The following ACIN1 variants were observed in gnomAD, a reference collection of about 807,000 sequenced individuals.
The protein encoded by ACIN1 is apoptotic chromatin condensation inducer in the nucleus.
ACIN1 carries 16 observed loss-of-function variants against 146.6 expected under a neutral mutation model. The observed-to-expected ratio is 0.11, with a 90% CI of 0.07 to 0.17. The LOEUF is 0.17. Among genes scored for constraint, ACIN1 ranks in the 10% least tolerant of loss-of-function variants. The pLI, the probability that ACIN1 is intolerant of heterozygous loss-of-function variation, is 1.00. For missense variants in ACIN1, 1,357 were observed against 1,609.3 expected, an observed-to-expected ratio of 0.84 and a Z score of 2.68; for synonymous variants, 569 against 582.7, an observed-to-expected ratio of 0.98 and a Z score of 0.34.
chr14:23,058,776 C>T lies in ACIN1; in HGVS notation c.*372G>A. 1 of 277,024 alleles carries T rather than the reference C, an allele frequency of 3.6e-6. No individual in the cohort carries two copies. Among genetic ancestry groups the T allele is most frequent in the Non-Finnish European group, 6.9e-6 (1 of 145,080 alleles). The allele number at this position is 277,024 out of a possible 1,614,324, so 17.2% of individuals were successfully genotyped here. Reference sequence around the variant, plus strand: ...TGATTCAGCTCATAGGTGACCCAGTCCTGGCCCCGGCTGTTCCCAAGAGAA... The same window carrying T: ...TGATTCAGCTCATAGGTGACCCAGTTCTGGCCCCGGCTGTTCCCAAGAGAA... On this transcript the variant is annotated 3_prime_UTR_variant, in exon 19 of 19. Coordinates refer to ENST00000605057, the MANE Select transcript of ACIN1 (RefSeq NM_001386863.1).
At chr14:23,072,226 G>A (rs1187175024) in intron 8 of ACIN1, among the ~76,000 whole-genome samples, 1 of 152,126 alleles carries the variant, frequency 6.6e-6, no homozygotes, top group Non-Finnish European at 1.5e-5. Context: ...ACCAGTAGAA[G>A]GGGGGCAGGG....
At position 23,079,592 on chromosome 14, in the gene ACIN1, T is replaced by C. The variant is rs2047890250; in HGVS notation, c.1743A>G (p.Ser581=). ...CTGAACGAGAACGTGAACGTGACCTTGATCTGGACTCTGATGTTGATCTGG... is the reference window on the plus strand; with the variant it reads ...CTGAACGAGAACGTGAACGTGACCTCGATCTGGACTCTGATGTTGATCTGG... ...MGSRSTSESR[S]RSRSRSRSAS... is the part of the protein sequence containing the mutation. Residue 581 remains serine (S), a synonymous_variant, in exon 6 of 19, where the codon TCA becomes TCG. Transcript: ENST00000605057. 6.2e-7 allele frequency: 1 copy of C among 1,614,218 alleles called. No individual in the cohort carries two copies. Among genetic ancestry groups the C allele is most frequent in the Non-Finnish European group, 8.5e-7 (1 of 1,180,030 alleles).
At chr14:23,071,435 C>T in intron 8 of ACIN1, 3 of 1,551,682 alleles carry the variant, frequency 1.9e-6, no homozygotes, top group Non-Finnish European at 2.6e-6. Context: ...ACGGCAAACC[C>T]CGAGTTCGGC....
Position 23,061,592 on chromosome 14 carries a change from G to A in ACIN1, c.3130C>T (p.Arg1044Cys), listed in dbSNP as rs141374407. 6.5e-5 allele frequency: 100 copies of A among 1,549,016 alleles called. No homozygotes were observed. The highest frequency in any genetic ancestry group is 5.7e-4 in the Middle Eastern group (3 of 5,304). ...LDYHRGLLVD[R>C]PSETKTEEQG... The stretch of plus-strand genomic sequence containing the variant: ...TCCTCTGTCTTAGTTTCAGAGGGAC[G>A]GTCCACCAAGAGGCCTCGGTGATAA... The change falls in exon 17 of 19, where the codon CGT becomes TGT. Residue 1044 changes from arginine (R) to cysteine (C), a missense_variant. Arg to Cys is a radical substitution (Grantham distance 180, BLOSUM62 -3). This residue lies in a region of ACIN1 where 509 missense variants were observed against 719.6 expected (regional missense o/e 0.71). Coordinates refer to ENST00000605057, the MANE Select transcript of ACIN1 (RefSeq NM_001386863.1).
At position 23,066,175 on chromosome 14, in the gene ACIN1, C is replaced by T. The variant is rs137957748; in HGVS notation, c.2266-167G>A. On this transcript the variant is annotated intron_variant, in intron 9 of 18. Transcript: ENST00000605057. ...AGACAGACAGAGACCAAAACAGAAG[C>T]GGCAAACGGCAAAAACGAAGCAGAA... The T allele has an allele frequency of 9.5e-4, 510 of 539,226 alleles. 5 individuals are homozygous for T. In the East Asian group the frequency reaches 0.014, roughly 15 times the overall value. The allele number at this position is 539,226 out of a possible 1,614,324, so 33.4% of individuals were successfully genotyped here.
intron 8 of ACIN1, chr14:23,071,352 T>C (rs1594758912): frequency 1.3e-6 from 2 of 1,521,790 alleles, no homozygotes; most frequent in Non-Finnish European, 8.8e-7. Context: ...AAATGGTAAA[T>C]GGAAGGGGAG....
chr14:23,082,478 C>G (rs1421033262), intron 4 of ACIN1, among the ~76,000 whole-genome samples: 2 of 132,648 alleles, frequency 1.5e-5, no homozygotes, highest in Non-Finnish European at 3.1e-5. Flanking sequence ...TGGAGTCTCA[C>G]TCTGTCACCC....
chr14:23,095,312 G>C (rs764733151), upstream of ACIN1: 17 of 1,565,730 alleles, frequency 1.1e-5, no homozygotes, highest in South Asian at 2.0e-4. Context: ...CTTTCCATCC[G>C]CCCTGCAGCG....
intron 5 of ACIN1, among the ~76,000 whole-genome samples, chr14:23,081,394 T>C (rs1023259058): frequency 2.6e-5 from 4 of 152,136 alleles, no homozygotes; most frequent in Admixed American, 1.3e-4. Flanking sequence ...CTTAGAAATC[T>C]AAAAGGCAGA....
chr14:23,071,275 C>T, intron 8 of ACIN1: 5 of 1,503,288 alleles, frequency 3.3e-6, no homozygotes, highest in Non-Finnish European at 4.4e-6. Context: ...TCCAAGATCC[C>T]ACCACCTCCT....
chr14:23,060,704 G>T (rs1034753294), intron 18 of ACIN1, among the ~76,000 whole-genome samples: 1 of 151,980 alleles, frequency 6.6e-6, no homozygotes, highest in Admixed American at 6.6e-5. Flanking sequence ...GTAGAGACAG[G>T]GTTTCCATGT....
rs760448619 is a variant in ACIN1, at chr14:23,080,133, G to C, written c.1202C>G (p.Ala401Gly). The change falls in exon 6 of 19, where the codon GCT becomes GGT. Residue 401 changes from alanine to glycine, a missense_variant. Physicochemically the swap from Ala to Gly is moderately conservative, Grantham distance 60. This residue lies in a region of ACIN1 where 771 missense variants were observed against 746.6 expected (regional missense o/e 1.03). Coordinates refer to ENST00000605057, the MANE Select transcript of ACIN1 (RefSeq NM_001386863.1). ...LIQLSPPNTD[A>G]DTRELLVSQH... ...AGATACTAATAGCTCCCTGGTGTCAGCATCTGTATTAGGAGGAGATAACTG... is the reference window on the plus strand; with the variant it reads ...AGATACTAATAGCTCCCTGGTGTCACCATCTGTATTAGGAGGAGATAACTG... 1.1e-5 allele frequency: 17 copies of C among 1,614,164 alleles called. No homozygotes were observed. Among genetic ancestry groups the C allele is most frequent in the Non-Finnish European group, 1.4e-5 (17 of 1,180,022 alleles).
At position 23,077,392 on chromosome 14, in the gene ACIN1, T is replaced by TA. The variant is rs1221103590; in HGVS notation, c.2123+758dup. Among the ~76,000 whole-genome samples the TA allele has an allele frequency of 2.6e-5, 4 of 152,310 alleles. No homozygotes were observed. The East Asian group carries it at 5.8e-4, about 22-fold the overall frequency. ...TAAAAGCTACGCAATCTTATTCCCATAAGGCTTCATTTTTTCATTTCCCAG... is the reference window on the plus strand; with the variant it reads ...TAAAAGCTACGCAATCTTATTCCCATAAAGGCTTCATTTTTTCATTTCCCAG... On this transcript the variant is annotated intron_variant, in intron 8 of 18. Coordinates refer to ENST00000605057, the MANE Select transcript of ACIN1 (RefSeq NM_001386863.1).
chr14:23,062,739 AC>A, intron 14 of ACIN1, 189 bp downstream of exon 14: 1 of 835,482 alleles, frequency 1.2e-6, no homozygotes, highest in East Asian at 2.7e-5. Flanking sequence ...CCTCAAAACA[AC>A]CCTGCAGGGC....
upstream of ACIN1, chr14:23,095,368 C>G: frequency 6.7e-7 from 1 of 1,498,052 alleles, no homozygotes; most frequent in East Asian, 2.3e-5. Flanking sequence ...TTCGTCTTGC[C>G]GAAGCTTTGA....
chr14:23,079,938 C>G lies in ACIN1; in HGVS notation c.1397G>C (p.Arg466Thr). 6.2e-7 allele frequency: 1 copy of G among 1,614,180 alleles called. No homozygotes were observed. Among genetic ancestry groups the G allele is most frequent in the Non-Finnish European group, 8.5e-7 (1 of 1,180,044 alleles). The change falls in exon 6 of 19, where the codon AGA becomes ACA. Residue 466 changes from arginine (R) to threonine (T), a missense_variant. Arg to Thr is a moderately conservative substitution (Grantham distance 71). Around this residue, in one of 4 missense-constraint regions of ACIN1, gnomAD observed 771 missense variants for 746.6 expected, o/e 1.03. Transcript: ENST00000605057. ...TTTTAGAGGGAGGGGCTGAGCAGAT[C>G]TGTCTGACTCAGGTTCAAGATCCTT... ...AQKDLEPESD[R>T]SAQPLPLKIE...
intron 4 of ACIN1, among the ~76,000 whole-genome samples, chr14:23,085,774 T>A (rs1594781834): frequency 6.6e-6 from 1 of 152,084 alleles, no homozygotes; most frequent in African/African-American, 2.4e-5. Flanking sequence ...CCACAATGAA[T>A]GTCTTAGGCC....
At chr14:23,094,819 G>T in intron 1 of ACIN1, 156 bp downstream of exon 1, 1 of 1,150,260 alleles carries the variant, frequency 8.7e-7, no homozygotes, top group Middle Eastern at 3.0e-4. Context: ...ATTCCAGCGC[G>T]AACCTCATCA....
intron 18 of ACIN1, among the ~76,000 whole-genome samples, chr14:23,060,388 A>G (rs971836557): frequency 6.6e-6 from 1 of 152,200 alleles, no homozygotes; most frequent in African/African-American, 2.4e-5. Flanking sequence ...TTTGAGTAGC[A>G]TAAGCCTAAA....
Sources: gnomAD v4.1 joint callset for allele counts (sites outside exome capture counted in the v4.1 genomes callset) on GRCh38, gnomAD v4.1.1 for gene constraint, gnomAD v4.1.1 regional missense constraint, MANE v1.5 for transcripts, NCBI Gene and HGNC (gene_info 2026-07-23, HGNC 2026-07-21) for gene names.